CNTNAP2: variants seen among roughly 807,000 people sequenced by gnomAD.
CNTNAP2 encodes the protein contactin associated protein 2, also known as contactin-associated protein-like 2.
A neutral mutation model predicts 155.2 loss-of-function variants in CNTNAP2; 98 were observed. The observed-to-expected ratio is 0.63, with a 90% CI of 0.54 to 0.75. CNTNAP2 has a LOEUF of 0.75. CNTNAP2 is among the 30% of genes least tolerant of loss of function. The pLI is 0.00. For synonymous variants in CNTNAP2, 651 were observed against 631.2 expected, an observed-to-expected ratio of 1.03 and a Z score of -0.47; for missense variants, 1,727 against 1,688.1, an observed-to-expected ratio of 1.02 and a Z score of -0.40.
At chr7:146,327,873 A>G (rs910245463) in intron 1 of CNTNAP2, among the ~76,000 whole-genome samples, 2 of 152,224 alleles carry the variant, frequency 1.3e-5, no homozygotes, top group Admixed American at 1.3e-4. Flanking sequence ...AAGGAGAACA[A>G]GAGAATTTGA....
chr7:147,109,426 A>T (rs1800830193), intron 5 of CNTNAP2, among the ~76,000 whole-genome samples: 1 of 152,160 alleles, frequency 6.6e-6, no homozygotes, highest in African/African-American at 2.4e-5. Context: ...AATTCTAGAG[A>T]TCAGTTTGGA....
intron 14 of CNTNAP2, among the ~76,000 whole-genome samples, chr7:147,964,606 C>T (rs1030817487): frequency 1.3e-5 from 2 of 152,124 alleles, no homozygotes; most frequent in African/African-American, 4.8e-5. Flanking sequence ...TGCTAAATTG[C>T]TAAATTGAGT....
intron 1 of CNTNAP2, among the ~76,000 whole-genome samples, chr7:146,396,696 A>G (rs906271607): frequency 2.1e-5 from 3 of 144,900 alleles, no homozygotes; most frequent in Non-Finnish European, 3.0e-5. Flanking sequence ...AGTTTTGGAG[A>G]ATATTTATAT....
intron 1 of CNTNAP2, among the ~76,000 whole-genome samples, chr7:146,644,616 C>G (rs1799776674): frequency 6.6e-6 from 1 of 151,996 alleles, no homozygotes. Context: ...CTAAAATTCG[C>G]AAATAGACGC....
At chr7:146,357,147 C>A (rs1795009924) in intron 1 of CNTNAP2, among the ~76,000 whole-genome samples, 2 of 145,374 alleles carry the variant, frequency 1.4e-5, no homozygotes, top group African/African-American at 5.2e-5. Context: ...GACAAAATAG[C>A]AAACATAAGA....
At chr7:146,562,023 C>G (rs1268882043) in intron 1 of CNTNAP2, among the ~76,000 whole-genome samples, 1 of 152,082 alleles carries the variant, frequency 6.6e-6, no homozygotes, top group Non-Finnish European at 1.5e-5. Context: ...TTCCTGGGCT[C>G]AAGCAATCCT....
intron 13 of CNTNAP2, among the ~76,000 whole-genome samples, chr7:147,718,180 G>T (rs1796509957): frequency 6.6e-6 from 1 of 152,018 alleles, no homozygotes; most frequent in Non-Finnish European, 1.5e-5. Flanking sequence ...GACCGTGGAA[G>T]CACAGTTGTA....
intron 14 of CNTNAP2, among the ~76,000 whole-genome samples, chr7:147,935,738 A>G (rs983515092): frequency 1.3e-5 from 2 of 152,166 alleles, no homozygotes; most frequent in African/African-American, 4.8e-5. Context: ...GGTGAGCTTT[A>G]TCTTGGAACA....
At chr7:146,857,572 A>G (rs770196591) in intron 3 of CNTNAP2, among the ~76,000 whole-genome samples, 1 of 152,220 alleles carries the variant, frequency 6.6e-6, no homozygotes, top group African/African-American at 2.4e-5. Context: ...GGTGTTCTCC[A>G]GAAAATAGAG....
chr7:148,196,571 G>A (rs1202223213), intron 18 of CNTNAP2, among the ~76,000 whole-genome samples: 1 of 152,160 alleles, frequency 6.6e-6, no homozygotes, highest in African/African-American at 2.4e-5. Flanking sequence ...CTTTCTAAGT[G>A]TATTAATTAA....
At chr7:147,550,726 A>G (rs928407280) in intron 11 of CNTNAP2, among the ~76,000 whole-genome samples, 2 of 152,196 alleles carry the variant, frequency 1.3e-5, no homozygotes, top group African/African-American at 4.8e-5. Flanking sequence ...GCAACTGTAG[A>G]GCTGGGCCAG....
chr7:146,619,523 T>C (rs1351879288), intron 1 of CNTNAP2, among the ~76,000 whole-genome samples: 1 of 152,230 alleles, frequency 6.6e-6, no homozygotes, highest in Non-Finnish European at 1.5e-5. Flanking sequence ...AATTCTATTA[T>C]GTTATAAACT....
chr7:147,238,549 G>GT (rs199552135), intron 8 of CNTNAP2, among the ~76,000 whole-genome samples: 55 of 149,250 alleles, frequency 3.7e-4, no homozygotes, highest in East Asian at 1.6e-3. Context: ...TTTTCATTTT[G>GT]TTTTTTTTTC....
chr7:148,364,389 T>C (rs1164151880), intron 21 of CNTNAP2, among the ~76,000 whole-genome samples: 2 of 152,202 alleles, frequency 1.3e-5, no homozygotes, highest in African/African-American at 4.8e-5. Flanking sequence ...ACCCTGTGTT[T>C]AGCTCAAGGT....
chr7:148,198,704 T>A (rs55810799), intron 18 of CNTNAP2, among the ~76,000 whole-genome samples: 5,654 of 152,304 alleles, frequency 0.037, 369 homozygotes, highest in African/African-American at 0.13. Flanking sequence ...GTCTTAGCAG[T>A]TGGTTAAAGC....
Position 147,132,229 on chromosome 7 carries a change from T to C in CNTNAP2, c.1084-16T>C. Reference sequence around the variant, plus strand: ...TATTCTGTGTTTTCCTCAGAGCCTGTCTTTCTATTTTACAGGGAAATTTGA... The same window carrying C: ...TATTCTGTGTTTTCCTCAGAGCCTGCCTTTCTATTTTACAGGGAAATTTGA... On this transcript the variant is annotated splice_polypyrimidine_tract_variant and intron_variant, in intron 7 of 23. Coordinates refer to ENST00000361727, the MANE Select transcript of CNTNAP2 (RefSeq NM_014141.6). 6.2e-7 allele frequency: 1 copy of C among 1,613,448 alleles called. No individual in the cohort carries two copies. The highest frequency in any genetic ancestry group is 8.5e-7 in the Non-Finnish European group (1 of 1,179,596).
chr7:147,046,722 G>A (rs1395298771), intron 4 of CNTNAP2, among the ~76,000 whole-genome samples: 1 of 152,060 alleles, frequency 6.6e-6, no homozygotes, highest in African/African-American at 2.4e-5. Flanking sequence ...TACAAATTAA[G>A]ATATTTAGTA....
At chr7:146,990,689 C>A (rs527845394) in intron 3 of CNTNAP2, among the ~76,000 whole-genome samples, 1 of 152,140 alleles carries the variant, frequency 6.6e-6, no homozygotes, top group South Asian at 2.1e-4. Context: ...TGATGGAATT[C>A]TGTCACTCTG....
chr7:148,018,637 TA>T (rs1291399288), intron 15 of CNTNAP2, among the ~76,000 whole-genome samples: 1 of 152,206 alleles, frequency 6.6e-6, no homozygotes, highest in Non-Finnish European at 1.5e-5. Flanking sequence ...AGCATCCTTT[TA>T]CTCGGTAGCA....
Sources: allele counts gnomAD v4.1 joint callset (sites outside exome capture counted in the v4.1 genomes callset), GRCh38; gene constraint gnomAD v4.1.1; transcripts MANE v1.5; gene names NCBI Gene and HGNC (gene_info 2026-07-23, HGNC 2026-07-21).